The following LINS1 variants were observed in gnomAD, a reference collection of about 807,000 sequenced individuals.
LINS1 encodes protein Lines homolog 1.
LINS1 carries 27 observed loss-of-function variants against 41.6 expected under a neutral mutation model. The observed-to-expected ratio is 0.65, with a 90% CI of 0.48 to 0.89. The LOEUF (loss-of-function observed/expected upper bound fraction) is 0.89, where lower values mean the gene tolerates loss of function less well. Among genes scored for constraint, LINS1 ranks in the 40% least tolerant of loss-of-function variants. LINS1 has a pLI of 0.00. For synonymous variants in LINS1, 336 were observed against 312.9 expected (o/e 1.07, Z -0.78); for missense variants, 955 against 884.1 (o/e 1.08, Z -1.02).
rs755024353 is a variant in LINS1 at position 100,573,819 on chromosome 15, T to C, written c.1054A>G (p.Thr352Ala). 5 of 1,614,110 alleles carry C rather than the reference T, an allele frequency of 3.1e-6. No homozygotes were observed. In the African/African-American group the frequency reaches 6.7e-5, roughly 22 times the overall value. ...LQAVNSGLLK[T>A]LSVYEKHSFF... Reference sequence around the variant, plus strand: ...GAATGTTTTTCATAAACAGACAGTGTCTTCAACAACCCCGAATTCACAGCT... The same window carrying C: ...GAATGTTTTTCATAAACAGACAGTGCCTTCAACAACCCCGAATTCACAGCT... Residue 352 changes from threonine to alanine, a missense_variant, in exon 5 of 7, where the codon ACA (threonine) becomes GCA (alanine). Coordinates refer to ENST00000314742, the MANE Select transcript of LINS1 (RefSeq NM_001040616.3).
At chr15:100,594,442 C>A (rs139892027) in intron 1 of LINS1, among the ~76,000 whole-genome samples, 1 of 152,036 alleles carries the variant, frequency 6.6e-6, no homozygotes, top group Non-Finnish European at 1.5e-5. Context: ...ACACGGTTTT[C>A]TGGAATTGTG....
intron 1 of LINS1, among the ~76,000 whole-genome samples, chr15:100,582,372 C>T (rs1171690566): frequency 7.1e-6 from 1 of 141,146 alleles, no homozygotes; most frequent in Non-Finnish European, 1.5e-5. Flanking sequence ...CTAGCCTAGT[C>T]TTGGTCTTAC....
At position 100,589,615 on chromosome 15, in the gene LINS1, T is replaced by C. The variant is rs574538006; in HGVS notation, c.-103-8670A>G. On this transcript the variant is annotated intron_variant, in intron 1 of 6. Coordinates refer to ENST00000314742, the MANE Select transcript of LINS1 (RefSeq NM_001040616.3). The stretch of plus-strand genomic sequence containing the variant: ...AAGTTCTGCATTCCATGACTCATCA[T>C]AGAAAAGATAAAATGATCCAAATTG... Among the ~76,000 whole-genome samples the C allele has an allele frequency of 2.6e-5, 4 of 152,326 alleles. No individual in the cohort carries two copies. In the East Asian group the frequency reaches 7.7e-4, roughly 29 times the overall value.
At chr15:100,597,619 T>C (rs1320515002) in intron 1 of LINS1, among the ~76,000 whole-genome samples, 1 of 152,272 alleles carries the variant, frequency 6.6e-6, no homozygotes, top group Admixed American at 6.5e-5. Context: ...TACTTTTCTA[T>C]ACTTAGTTGC....
intron 3 of LINS1, among the ~76,000 whole-genome samples, chr15:100,575,796 T>TA (rs1421831720): frequency 6.6e-6 from 1 of 152,120 alleles, no homozygotes; most frequent in East Asian, 1.9e-4. Context: ...TCAGCAAATG[T>TA]AAAAGAACAG....
chr15:100,572,913 A>AGTT, intron 5 of LINS1: 2 of 688,098 alleles, frequency 2.9e-6, no homozygotes, highest in Non-Finnish European at 3.6e-6. Flanking sequence ...GGATTAATAC[A>AGTT]AATGGGGTGG....
At chr15:100,571,812 A>C (rs1400089141) in intron 6 of LINS1, 82 bp downstream of exon 6, 6 of 1,512,216 alleles carry the variant, frequency 4.0e-6, no homozygotes, top group Non-Finnish European at 5.5e-6. Context: ...GAAAGTAAGC[A>C]ACACGCCCAG....
chr15:100,582,566 C>T (rs961055765), intron 1 of LINS1, among the ~76,000 whole-genome samples: 6 of 143,172 alleles, frequency 4.2e-5, no homozygotes, highest in Admixed American at 1.4e-4. Context: ...GCCCACTAGC[C>T]TAGTCTTGGT....
rs200973902 is a variant in LINS1, at chr15:100,582,644, A to G, written c.-103-1699T>C. 1.2e-4 allele frequency among the ~76,000 whole-genome samples: 12 copies of G among 99,704 alleles called. No individual in the cohort carries two copies. The East Asian group carries it at 2.0e-3, about 16-fold the overall frequency. 65.4% of individuals were successfully genotyped at this position (99,704 alleles called of 152,430 possible). ...GTCTTGGTCTTACACTGGGTCTTCC[A>G]TCTACACTATGGCCCACTAGCCTAG... is the stretch of plus-strand genomic sequence containing the variant. On this transcript the variant is annotated intron_variant, in intron 1 of 6. Transcript: ENST00000314742.
chr15:100,585,450 T>C (rs1354059252), intron 1 of LINS1, among the ~76,000 whole-genome samples: 1 of 152,234 alleles, frequency 6.6e-6, no homozygotes, highest in South Asian at 2.1e-4. Context: ...CTGGTTAACA[T>C]GTGATGCTCT....
At chr15:100,590,160 G>C (rs150628478) in intron 1 of LINS1, among the ~76,000 whole-genome samples, 1 of 152,276 alleles carries the variant, frequency 6.6e-6, no homozygotes, top group African/African-American at 2.4e-5. Context: ...CTTTTCCCAA[G>C]ATCACAGATC....
At chr15:100,572,958 A>C (rs895651071) in intron 5 of LINS1, 5 of 436,904 alleles carry the variant, frequency 1.1e-5, no homozygotes, top group Non-Finnish European at 1.5e-5. Context: ...TCAGCTCAAA[A>C]CGTTGAGGCT....
intron 5 of LINS1, chr15:100,572,434 A>G (rs2037882170): frequency 3.7e-6 from 4 of 1,069,306 alleles, no homozygotes; most frequent in Non-Finnish European, 4.5e-6. Context: ...CTGTCCAAGA[A>G]TGCAACCAAG....
intron 1 of LINS1, among the ~76,000 whole-genome samples, chr15:100,594,283 C>T (rs1017818401): frequency 6.6e-6 from 1 of 152,026 alleles, no homozygotes; most frequent in Non-Finnish European, 1.5e-5. Flanking sequence ...GGATGTGGAA[C>T]CCGTGGATCC....
intron 1 of LINS1, chr15:100,586,242 C>T (rs1034650121): frequency 3.3e-5 from 5 of 152,248 alleles, no homozygotes; most frequent in African/African-American, 1.2e-4. Context: ...TGGAAGCCCC[C>T]TCCCAGCTTA....
At chr15:100,570,687 T>C (rs1422646695) in intron 6 of LINS1, 2 of 152,490 alleles carry the variant, frequency 1.3e-5, no homozygotes, top group African/African-American at 4.8e-5. Context: ...AATTGAGAAG[T>C]GATTGATGAC....
chr15:100,572,722 G>C, intron 5 of LINS1: 1 of 984,878 alleles, frequency 1.0e-6, no homozygotes. Flanking sequence ...TATGCTGCCT[G>C]TTTAGAGACA....
chr15:100,587,157 TA>T (rs56781451), intron 1 of LINS1, among the ~76,000 whole-genome samples: 18,060 of 68,050 alleles, frequency 0.27, 1,424 homozygotes, highest in Admixed American at 0.35. Flanking sequence ...GACTCTGTCT[TA>T]AAAAAAAAAA....
At chr15:100,578,543 G>A (rs969127820) in intron 3 of LINS1, among the ~76,000 whole-genome samples, 24 of 152,120 alleles carry the variant, frequency 1.6e-4, no homozygotes, top group Non-Finnish European at 2.9e-4. Context: ...TGGAGAGGAT[G>A]GGGAAAAATA....
Sources: gnomAD v4.1 joint callset for allele counts (sites outside exome capture counted in the v4.1 genomes callset) on GRCh38, gnomAD v4.1.1 for gene constraint, MANE v1.5 for transcripts, NCBI Gene and HGNC (gene_info 2026-07-23, HGNC 2026-07-21) for gene names.